ABLIM2: variants seen among roughly 807,000 people sequenced by gnomAD.
ABLIM2 encodes actin-binding LIM protein 2.
Under a neutral mutation model 97.7 loss-of-function variants are expected in ABLIM2, and 53 were observed. The ratio of observed to expected loss-of-function variants is 0.54; its 90% CI spans 0.44 to 0.68. ABLIM2 has a LOEUF of 0.68. Among genes scored for constraint, ABLIM2 ranks in the 30% least tolerant of loss-of-function variants. The pLI is 0.00. For synonymous variants in ABLIM2, 361 were observed against 345.8 expected, an observed-to-expected ratio of 1.04 and a Z score of -0.49; for missense variants, 835 against 867.2, an observed-to-expected ratio of 0.96 and a Z score of 0.47.
intron 10 of ABLIM2, among the ~76,000 whole-genome samples, chr4:8,034,745 T>C (rs1296247345): frequency 5.4e-5 from 3 of 55,326 alleles, no homozygotes. Flanking sequence ...GGGTGGGTAG[T>C]AGGTAGGTGG....
rs564829295 is a variant in ABLIM2, at chr4:7,999,813, C to T, written c.1619-6886G>A. Among the ~76,000 whole-genome samples, 27 of 152,264 alleles carry T rather than the reference C, an allele frequency of 1.8e-4. No individual in the cohort carries two copies. Among genetic ancestry groups the T allele is most frequent in the African/African-American group, 5.5e-4 (23 of 41,564 alleles). On this transcript the variant is annotated intron_variant, in intron 16 of 20. Coordinates refer to ENST00000447017, the MANE Select transcript of ABLIM2 (RefSeq NM_001130083.2). This position sits in a 1 kb window ranked among gnomAD's most constrained non-coding sequence, Gnocchi z 4.4. ...GGCTCAGCCAAACCAGGCTCCTGGC[C>T]GCCTCCCCTCCATGAAGCCTGCCAT... is the stretch of plus-strand genomic sequence containing the variant.
intron 8 of ABLIM2, among the ~76,000 whole-genome samples, chr4:8,052,754 C>T (rs1332313220): frequency 6.6e-6 from 1 of 152,262 alleles, no homozygotes; most frequent in African/African-American, 2.4e-5. Flanking sequence ...CATCGGAATG[C>T]TGTCCTGAAC....
chr4:8,042,573 G>T (rs1789400499), intron 9 of ABLIM2, among the ~76,000 whole-genome samples: 1 of 152,182 alleles, frequency 6.6e-6, no homozygotes, highest in Admixed American at 6.5e-5. Context: ...AGGCACAGCG[G>T]CTCACGCCTG....
chr4:8,025,687 G>A (rs1776867427), intron 12 of ABLIM2, among the ~76,000 whole-genome samples: 2 of 152,166 alleles, frequency 1.3e-5, no homozygotes, highest in African/African-American at 4.8e-5. Flanking sequence ...ACCCACAGAG[G>A]CTGCTCACAG....
At chr4:8,060,049 C>T (rs1455158504) in intron 7 of ABLIM2, among the ~76,000 whole-genome samples, 1 of 152,118 alleles carries the variant, frequency 6.6e-6, no homozygotes, top group East Asian at 1.9e-4. Flanking sequence ...TTCTGTTCAT[C>T]CTTATCTTGT....
At position 8,020,190 on chromosome 4, in the gene ABLIM2, C is replaced by T. The variant is rs758581087; in HGVS notation, c.1369+12G>A. ...AGTGTAAGGAGCCCAGCCAGCGTGT[C>T]CCGGAGCCTACCTGGGACGTGGAAG... is the stretch of plus-strand genomic sequence containing the variant. On this transcript the variant is annotated intron_variant, in intron 13 of 20. Transcript: ENST00000447017. The T allele has an allele frequency of 1.2e-5, 19 of 1,610,440 alleles. No homozygotes were observed. Among genetic ancestry groups the T allele is most frequent in the Non-Finnish European group, 1.6e-5 (19 of 1,178,124 alleles).
At position 8,120,618 on chromosome 4, in the gene ABLIM2, G is replaced by A. The variant is rs1247396311; in HGVS notation, c.11-13981C>T. Reference sequence around the variant, plus strand: ...ACTTCTGGCCTCCAGAACTGTGGGAGGATGCACATCTGCCAGTCCAGCCCC... The same window carrying A: ...ACTTCTGGCCTCCAGAACTGTGGGAAGATGCACATCTGCCAGTCCAGCCCC... On this transcript the variant is annotated intron_variant, in intron 1 of 20. Coordinates refer to ENST00000447017, the MANE Select transcript of ABLIM2 (RefSeq NM_001130083.2). This position sits in a 1 kb window ranked among gnomAD's most constrained non-coding sequence, Gnocchi z 5.6. Among the ~76,000 whole-genome samples the A allele has an allele frequency of 6.6e-6, 1 of 152,096 alleles. No homozygotes were observed. Among genetic ancestry groups the A allele is most frequent in the African/African-American group, 2.4e-5 (1 of 41,424 alleles).
At chr4:7,984,497 C>T (rs1202413162) in intron 18 of ABLIM2, among the ~76,000 whole-genome samples, 2 of 152,238 alleles carry the variant, frequency 1.3e-5, no homozygotes, top group African/African-American at 2.4e-5. Flanking sequence ...GAGCAAGGCG[C>T]AGGCAGGGTT....
chr4:8,007,417 C>T, intron 16 of ABLIM2: 1 of 985,566 alleles, frequency 1.0e-6, no homozygotes, highest in Non-Finnish European at 1.2e-6. Context: ...TGCCCCCAGC[C>T]CAGCTGAGAC....
chr4:8,066,901 A>C (rs1181985021), intron 6 of ABLIM2, among the ~76,000 whole-genome samples: 1 of 152,194 alleles, frequency 6.6e-6, no homozygotes, highest in Non-Finnish European at 1.5e-5. Flanking sequence ...CGTTACGTGA[A>C]TGTCACCTCA....
intron 9 of ABLIM2, among the ~76,000 whole-genome samples, chr4:8,037,702 C>T (rs954258823): frequency 6.6e-6 from 1 of 152,256 alleles, no homozygotes; most frequent in African/African-American, 2.4e-5. Context: ...CACGCACTCA[C>T]ACACATTCAC....
At chr4:7,990,703 C>A (rs1284142480) in intron 17 of ABLIM2, among the ~76,000 whole-genome samples, 1 of 152,080 alleles carries the variant, frequency 6.6e-6, no homozygotes, top group African/African-American at 2.4e-5. Flanking sequence ...AGGGCAGGGG[C>A]ACGCACTCCC....
intron 2 of ABLIM2, among the ~76,000 whole-genome samples, chr4:8,103,216 G>A (rs1041717087): frequency 4.6e-5 from 7 of 152,146 alleles, no homozygotes; most frequent in African/African-American, 1.7e-4. Flanking sequence ...TATCCATGTT[G>A]GATATTTATG....
At chr4:8,091,089 A>G (rs1321708654) in intron 3 of ABLIM2, among the ~76,000 whole-genome samples, 2 of 150,522 alleles carry the variant, frequency 1.3e-5, no homozygotes, top group African/African-American at 4.9e-5. Context: ...TGCATTCACA[A>G]CGGCACTGGA....
chr4:8,144,305 GGAA>G (rs911233506), intron 1 of ABLIM2, among the ~76,000 whole-genome samples: 1 of 152,222 alleles, frequency 6.6e-6, no homozygotes. Context: ...CACATTTTAA[GGAA>G]GAAGAGAGAG....
At chr4:8,105,485 G>C (rs1227020598) in intron 2 of ABLIM2, among the ~76,000 whole-genome samples, 2 of 152,232 alleles carry the variant, frequency 1.3e-5, no homozygotes, top group East Asian at 3.8e-4. Context: ...GCAGCCATTG[G>C]ATGGGGGCCG....
At position 8,106,617 on chromosome 4, in the gene ABLIM2, G is replaced by C. The variant is rs1265388339; in HGVS notation, c.31C>G (p.Pro11Ala). 4.3e-6 allele frequency: 7 copies of C among 1,611,318 alleles called. No individual in the cohort carries two copies. The highest frequency in any genetic ancestry group is 1.3e-5 in the African/African-American group (1 of 75,046). ...CTGGGCGACTTCTCCAGCGGGCTGG[G>C]AGCAGCCTGGGGCTGCGACACTGTT... MSAVSQPQAA[P>A]SPLEKSPSTA... The change falls in exon 2 of 21, where the codon CCC becomes GCC. Residue 11 changes from proline (P) to alanine (A), a missense_variant. Coordinates refer to ENST00000447017, the MANE Select transcript of ABLIM2 (RefSeq NM_001130083.2).
Position 8,082,963 on chromosome 4 carries a change from A to G in ABLIM2, c.455-2161T>C, listed in dbSNP as rs561669690. Among the ~76,000 whole-genome samples the G allele has an allele frequency of 6.6e-6, 1 of 152,136 alleles. No individual in the cohort carries two copies. Among genetic ancestry groups the G allele is most frequent in the Admixed American group, 6.6e-5 (1 of 15,266 alleles). ...GCATCAGTGGCTCTCAACTTGGGGC[A>G]CTTTTGCCCAAGAGACATTTGGCAA... On this transcript the variant is annotated intron_variant, in intron 4 of 20. Coordinates refer to ENST00000447017, the MANE Select transcript of ABLIM2 (RefSeq NM_001130083.2). The surrounding 1 kb of genome is among the most constrained non-coding windows in gnomAD (Gnocchi z 5.6).
At chr4:8,077,812 A>G in intron 5 of ABLIM2, 91 bp from the exon 6 acceptor site, 1 of 1,126,358 alleles carries the variant, frequency 8.9e-7, no homozygotes, top group East Asian at 2.6e-5. Flanking sequence ...GTCTGCCCTC[A>G]AAGTGGGGGA....
Sources: gnomAD v4.1 joint callset for allele counts (sites outside exome capture counted in the v4.1 genomes callset) on GRCh38, gnomAD v4.1.1 for gene constraint, Gnocchi (gnomAD v3.1) non-coding constraint, MANE v1.5 for transcripts, NCBI Gene and HGNC (gene_info 2026-07-23, HGNC 2026-07-21) for gene names.